Variants in ENTREP2 observed in about 807,000 individuals in gnomAD.
ENTREP2 encodes the protein protein ENTREP2.
the ENTREP2 span, among the ~76,000 whole-genome samples, chr15:29,352,519 G>A: frequency 4.6e-5 from 7 of 152,134 alleles, no homozygotes; most frequent in East Asian, 7.7e-4. Context: ...GAAGCCCTTC[G>A]GTCTCATTCC....
chr15:29,394,706 T>C, the ENTREP2 span, among the ~76,000 whole-genome samples: 6 of 152,048 alleles, frequency 3.9e-5, no homozygotes, highest in African/African-American at 7.2e-5. Flanking sequence ...TAAAACTTTG[T>C]ATCCATTAAT....
At chr15:29,464,598 C>A in the ENTREP2 span, among the ~76,000 whole-genome samples, 1 of 152,174 alleles carries the variant, frequency 6.6e-6, no homozygotes, top group Non-Finnish European at 1.5e-5. Context: ...ATCTTGATTT[C>A]TCTTTTAATA....
the ENTREP2 span, among the ~76,000 whole-genome samples, chr15:29,321,541 C>T: frequency 2.7e-5 from 4 of 150,622 alleles, no homozygotes; most frequent in Non-Finnish European, 3.0e-5. Context: ...CCCAGGTACT[C>T]GGGAGGCTGA....
At chr15:29,157,890 C>T in the ENTREP2 span, among the ~76,000 whole-genome samples, 3 of 152,052 alleles carry the variant, frequency 2.0e-5, no homozygotes, top group Non-Finnish European at 2.9e-5. Flanking sequence ...CCACCACGCC[C>T]AGCTGATTTT....
the ENTREP2 span, among the ~76,000 whole-genome samples, chr15:29,545,117 A>C: frequency 6.6e-6 from 1 of 152,226 alleles, no homozygotes; most frequent in Admixed American, 6.5e-5. Context: ...AAAATGTTCG[A>C]AGTCAGGACA....
the ENTREP2 span, among the ~76,000 whole-genome samples, chr15:29,183,093 T>A: frequency 4.6e-5 from 7 of 152,128 alleles, no homozygotes; most frequent in South Asian, 2.1e-4. Context: ...AAAGGACACA[T>A]CATCCAGGAA....
chr15:29,435,349 C>T, the ENTREP2 span, among the ~76,000 whole-genome samples: 1 of 152,116 alleles, frequency 6.6e-6, no homozygotes, highest in Non-Finnish European at 1.5e-5. Context: ...TGAGGACACC[C>T]TCCTAAAGAA....
At chr15:29,205,825 G>A in the ENTREP2 span, among the ~76,000 whole-genome samples, 1 of 152,132 alleles carries the variant, frequency 6.6e-6, no homozygotes, top group Non-Finnish European at 1.5e-5. Flanking sequence ...AATACTTGTA[G>A]GTTTCCATCA....
the ENTREP2 span, among the ~76,000 whole-genome samples, chr15:29,659,208 T>C: frequency 2.0e-5 from 3 of 152,166 alleles, no homozygotes; most frequent in South Asian, 6.2e-4. Flanking sequence ...CAGTGGCTCA[T>C]GCCTGTAATC....
the ENTREP2 span, among the ~76,000 whole-genome samples, chr15:29,601,523 T>G: frequency 6.6e-6 from 1 of 152,200 alleles, no homozygotes; most frequent in East Asian, 1.9e-4. Context: ...TCTGTAAGTT[T>G]ATTGTCAATA....
chr15:29,578,463 T>A, the ENTREP2 span, among the ~76,000 whole-genome samples: 20 of 152,294 alleles, frequency 1.3e-4, no homozygotes, highest in Admixed American at 6.5e-5. Flanking sequence ...CAGGCACATA[T>A]AGAATTTTGA....
At chr15:29,362,234 AG>A in the ENTREP2 span, among the ~76,000 whole-genome samples, 2 of 152,196 alleles carry the variant, frequency 1.3e-5, no homozygotes, top group African/African-American at 2.4e-5. Context: ...GAAGCTTCTC[AG>A]CCAGTCAGAA....
the ENTREP2 span, among the ~76,000 whole-genome samples, chr15:29,620,033 T>G: frequency 2.0e-5 from 3 of 152,126 alleles, no homozygotes; most frequent in African/African-American, 7.3e-5. Context: ...AATGGGATGA[T>G]ATAGAATGTG....
At chr15:29,528,817 A>G in the ENTREP2 span, among the ~76,000 whole-genome samples, 13 of 152,208 alleles carry the variant, frequency 8.5e-5, no homozygotes, top group African/African-American at 2.9e-4. Context: ...TTGTGTTTCA[A>G]ATGGAACTGT....
At chr15:29,407,990 G>T in the ENTREP2 span, among the ~76,000 whole-genome samples, 1 of 152,064 alleles carries the variant, frequency 6.6e-6, no homozygotes, top group Non-Finnish European at 1.5e-5. Context: ...CACATTTTTT[G>T]ATAGACCATA....
chr15:29,357,841 T>TGAAAA, the ENTREP2 span, among the ~76,000 whole-genome samples: 1 of 142,766 alleles, frequency 7.0e-6, no homozygotes, highest in African/African-American at 2.8e-5. Context: ...AGCGAGACTC[T>TGAAAA]GAAAAGAAAA....
the ENTREP2 span, among the ~76,000 whole-genome samples, chr15:29,224,246 G>C: frequency 2.6e-5 from 4 of 152,064 alleles, no homozygotes; most frequent in African/African-American, 9.7e-5. Context: ...GTGGGTTCGT[G>C]GTCTCACTGG....
At chr15:29,126,171 A>C in the ENTREP2 span, 1 of 994,830 alleles carries the variant, frequency 1.0e-6, no homozygotes, top group Non-Finnish European at 1.4e-6. Context: ...CAGGATCTGC[A>C]GGGCCGGGCC....
the ENTREP2 span, among the ~76,000 whole-genome samples, chr15:29,624,697 G>A: frequency 6.6e-6 from 1 of 152,136 alleles, no homozygotes; most frequent in East Asian, 1.9e-4. Flanking sequence ...AGACCCACAG[G>A]GACTTGTAAA....
Sources: allele counts gnomAD v4.1 joint callset (sites outside exome capture counted in the v4.1 genomes callset), GRCh38; gene constraint gnomAD v4.1.1; transcripts MANE v1.5; gene names NCBI Gene and HGNC (gene_info 2026-07-23, HGNC 2026-07-21).